Variants in RBMS3 observed in about 807,000 individuals in gnomAD.
RBMS3 encodes RNA-binding motif, single-stranded-interacting protein 3.
Under a neutral mutation model 66.8 loss-of-function variants are expected in RBMS3, and 27 were observed. The ratio of observed to expected loss-of-function variants is 0.40; its 90% CI spans 0.30 to 0.56. The LOEUF (loss-of-function observed/expected upper bound fraction) is 0.56. RBMS3 is among the 20% of genes least tolerant of loss of function. The probability of loss-of-function intolerance (pLI) is 0.40; values close to 1 mark genes in which losing one functional copy is unlikely to be tolerated. For missense variants in RBMS3, 513 were observed against 549.5 expected, an observed-to-expected ratio of 0.93 and a Z score of 0.66; for synonymous variants, 188 against 183.0, an observed-to-expected ratio of 1.03 and a Z score of -0.22.
intron 3 of RBMS3, among the ~76,000 whole-genome samples, chr3:29,579,424 C>G (rs2047245821): frequency 6.6e-6 from 1 of 152,110 alleles, no homozygotes; most frequent in Non-Finnish European, 1.5e-5. Context: ...GAGGAATAGT[C>G]TATTGTTCTA....
intron 12 of RBMS3, among the ~76,000 whole-genome samples, chr3:29,973,336 A>T (rs964047302): frequency 1.1e-4 from 16 of 152,140 alleles, no homozygotes; most frequent in Non-Finnish European, 1.9e-4. Context: ...CAGGAATTTG[A>T]TTATCTACTT....
At chr3:29,816,349 C>T (rs11129373) in intron 6 of RBMS3, among the ~76,000 whole-genome samples, 7,792 of 148,072 alleles carry the variant, frequency 0.053, 256 homozygotes, top group Admixed American at 0.089. Flanking sequence ...CACACACACA[C>T]ATTTCACTGG....
At chr3:29,436,712 A>T (rs931996841) in intron 2 of RBMS3, among the ~76,000 whole-genome samples, 1 of 152,186 alleles carries the variant, frequency 6.6e-6, no homozygotes, top group Non-Finnish European at 1.5e-5. Flanking sequence ...CTATTAGGGA[A>T]AGGTTCTTTC....
At chr3:29,968,290 G>A (rs1696986534) in intron 12 of RBMS3, among the ~76,000 whole-genome samples, 1 of 152,158 alleles carries the variant, frequency 6.6e-6, no homozygotes. Flanking sequence ...AAAGGAAAAG[G>A]GCTTTAGATC....
intron 13 of RBMS3, 110 bp downstream of exon 13, chr3:29,988,333 TA>T: frequency 1.2e-6 from 1 of 812,982 alleles, no homozygotes; most frequent in Non-Finnish European, 2.0e-6. Context: ...TGTGCTACTC[TA>T]AAATATGACA....
At chr3:29,379,840 A>G (rs2038676466) in intron 1 of RBMS3, among the ~76,000 whole-genome samples, 1 of 152,206 alleles carries the variant, frequency 6.6e-6, no homozygotes, top group Non-Finnish European at 1.5e-5. Context: ...GACAAACAAC[A>G]CATTAATAAA....
chr3:29,492,110 A>T (rs2043571099), intron 3 of RBMS3, among the ~76,000 whole-genome samples: 1 of 152,200 alleles, frequency 6.6e-6, no homozygotes, highest in Admixed American at 6.5e-5. Context: ...TGCCTTGCTT[A>T]TCCTCAGCAT....
At chr3:29,661,414 AC>A (rs2149229755) in intron 4 of RBMS3, among the ~76,000 whole-genome samples, 2 of 152,350 alleles carry the variant, frequency 1.3e-5, no homozygotes, top group South Asian at 4.1e-4. Context: ...TAAACGGTAG[AC>A]AATAACTAGC....
At chr3:29,431,542 C>T (rs1227864256) in intron 1 of RBMS3, among the ~76,000 whole-genome samples, 1 of 152,002 alleles carries the variant, frequency 6.6e-6, no homozygotes, top group East Asian at 1.9e-4. Context: ...CCGCCCTCCT[C>T]AGCCTCCCAA....
At chr3:29,690,138 A>AT (rs2051915283) in intron 4 of RBMS3, among the ~76,000 whole-genome samples, 1 of 151,808 alleles carries the variant, frequency 6.6e-6, no homozygotes, top group Non-Finnish European at 1.5e-5. Context: ...ATCAATAGAG[A>AT]TTTTTGAGAG....
chr3:29,778,857 G>A lies in RBMS3; in HGVS notation c.637+15868G>A, dbSNP rs533727568. Reference sequence around the variant, plus strand: ...TAAGTGTTACTTAGGTGTTAACATTGTACTGCTATGTCATAGGTCTTTTCT... The same window carrying A: ...TAAGTGTTACTTAGGTGTTAACATTATACTGCTATGTCATAGGTCTTTTCT... On this transcript the variant is annotated intron_variant, in intron 6 of 14. Coordinates refer to ENST00000383767, the MANE Select transcript of RBMS3 (RefSeq NM_001003793.3). Among the ~76,000 whole-genome samples the A allele has an allele frequency of 2.0e-5, 3 of 151,944 alleles. No individual in the cohort carries two copies. In the South Asian group the frequency reaches 6.2e-4, roughly 32 times the overall value.
In RBMS3 at chr3:29,663,423, G is replaced by A. The variant is rs142922890; in HGVS notation, c.399+76218G>A. On this transcript the variant is annotated intron_variant, in intron 4 of 14. Transcript: ENST00000383767. ...ATTTTTGGACATGTGTGAAGAAACA[G>A]CAACTTTTTGTAGTTTTGATTAATA... Among the ~76,000 whole-genome samples, 700 of 152,272 alleles carry A rather than the reference G, an allele frequency of 4.6e-3. 2 individuals carry two copies. The highest frequency in any genetic ancestry group is 7.2e-3 in the Non-Finnish European group (491 of 68,016).
chr3:29,320,866 A>T, intron 1 of RBMS3, among the ~76,000 whole-genome samples: 1 of 152,036 alleles, frequency 6.6e-6, no homozygotes, highest in East Asian at 1.9e-4. Context: ...TTAAAAGAAT[A>T]AACTTTGAAG....
chr3:29,663,523 C>T (rs943240785), intron 4 of RBMS3, among the ~76,000 whole-genome samples: 1 of 152,142 alleles, frequency 6.6e-6, no homozygotes, highest in Non-Finnish European at 1.5e-5. Context: ...TGATAGCCTT[C>T]TTCCAAAAGG....
intron 2 of RBMS3, among the ~76,000 whole-genome samples, chr3:29,467,655 T>C (rs1441783139): frequency 6.6e-6 from 1 of 152,176 alleles, no homozygotes; most frequent in East Asian, 1.9e-4. Flanking sequence ...GCTTAGAGTA[T>C]ATGAAAACTC....
At chr3:29,396,091 C>T (rs73040684) in intron 1 of RBMS3, among the ~76,000 whole-genome samples, 3,930 of 152,064 alleles carry the variant, frequency 0.026, 67 homozygotes, top group East Asian at 0.041. Flanking sequence ...AACAATGAGG[C>T]GCAGGTGGAT....
chr3:29,521,157 A>G (rs1333369927), intron 3 of RBMS3, among the ~76,000 whole-genome samples: 2 of 152,126 alleles, frequency 1.3e-5, no homozygotes, highest in African/African-American at 4.8e-5. Flanking sequence ...ATTTAAAATT[A>G]TAGTAAGTAG....
At chr3:29,415,775 A>ATT (rs11286612) in intron 1 of RBMS3, among the ~76,000 whole-genome samples, 6 of 151,136 alleles carry the variant, frequency 4.0e-5, no homozygotes, top group East Asian at 1.9e-4. Context: ...TGACAATGAA[A>ATT]TTTTTTTTTT....
At chr3:29,495,484 G>A (rs952776389) in intron 3 of RBMS3, among the ~76,000 whole-genome samples, 8 of 146,180 alleles carry the variant, frequency 5.5e-5, no homozygotes, top group Non-Finnish European at 7.5e-5. Context: ...GCAGTGGTGC[G>A]ATCTTGGCTC....
Sources: allele counts gnomAD v4.1 joint callset (sites outside exome capture counted in the v4.1 genomes callset), GRCh38; gene constraint gnomAD v4.1.1; transcripts MANE v1.5; gene names NCBI Gene and HGNC (gene_info 2026-07-23, HGNC 2026-07-21).